OLAH: variants seen among roughly 807,000 people sequenced by gnomAD.
OLAH encodes oleoyl-ACP hydrolase, also known as S-acyl fatty acid synthase thioesterase, medium chain.
Under a neutral mutation model 27.8 loss-of-function variants are expected in OLAH, and 33 were observed. The observed-to-expected ratio is 1.19, with a 90% CI of 0.90 to 1.59. The LOEUF is 1.59. OLAH is among the 40% of genes most tolerant of loss of function. The pLI is 0.00. For missense variants in OLAH, 359 were observed against 310.8 expected (o/e 1.16, Z -1.17); for synonymous variants, 120 against 102.9 (o/e 1.17, Z -1.01).
Position 15,034,433 on chromosome 10 carries a change from G to A in OLAH, c.-164+2083G>A, listed in dbSNP as rs143787390. 2.5e-3 allele frequency among the ~76,000 whole-genome samples: 382 copies of A among 152,072 alleles called. 1 individual carries two copies. Among genetic ancestry groups the A allele is most frequent in the African/African-American group, 8.5e-3 (353 of 41,494 alleles). ...CAGGAGTAAGCCACTGCACCCAGCC[G>A]ACTCTACCCTTTTTGAACATTATTA... is the stretch of plus-strand genomic sequence containing the variant. On this transcript the variant is annotated intron_variant, in intron 1 of 3. Transcript: ENST00000413672.
intron 1 of OLAH, among the ~76,000 whole-genome samples, chr10:15,036,401 G>A (rs1462918370): frequency 6.6e-6 from 1 of 152,168 alleles, no homozygotes; most frequent in Non-Finnish European, 1.5e-5. Flanking sequence ...GGGAAGCTGA[G>A]GCAGGAGAAT....
At chr10:15,048,448 C>T (rs1171091910) in intron 2 of OLAH, among the ~76,000 whole-genome samples, 1 of 152,226 alleles carries the variant, frequency 6.6e-6, no homozygotes, top group Non-Finnish European at 1.5e-5. Context: ...GAACTCCTCA[C>T]CTCTAGTGAT....
chr10:15,040,847 T>C (rs766430323), upstream of OLAH, among the ~76,000 whole-genome samples: 2 of 152,216 alleles, frequency 1.3e-5, no homozygotes, highest in African/African-American at 2.4e-5. Flanking sequence ...CTTTCTACTC[T>C]AGGACTTTGC....
At chr10:15,043,076 G>A (rs1191026612), upstream of OLAH, among the ~76,000 whole-genome samples, 10 of 151,908 alleles carry the variant, frequency 6.6e-5, no homozygotes, top group Non-Finnish European at 1.0e-4. Context: ...TAGCCAGGGT[G>A]GTCTCAGTCT....
upstream of OLAH, among the ~76,000 whole-genome samples, chr10:15,041,986 T>C (rs2131332622): frequency 6.6e-6 from 1 of 151,878 alleles, no homozygotes; most frequent in Admixed American, 6.6e-5. Flanking sequence ...CAGCTTCTCT[T>C]TTTCTGCTTG....
At chr10:15,048,254 G>A (rs1844059711) in intron 2 of OLAH, among the ~76,000 whole-genome samples, 1 of 152,152 alleles carries the variant, frequency 6.6e-6, no homozygotes, top group African/African-American at 2.4e-5. Context: ...GTCTCACTCT[G>A]TCACCCAGGC....
chr10:15,065,574 A>G lies in OLAH; in HGVS notation c.403-10A>G, dbSNP rs1844450494. The G allele has an allele frequency of 6.2e-7, 1 of 1,604,070 alleles. No individual in the cohort carries two copies. The highest frequency in any genetic ancestry group is 1.3e-5 in the African/African-American group (1 of 74,286). The stretch of plus-strand genomic sequence containing the variant: ...AAATATCAGGCCTGTGTTGTTGTTC[A>G]TGTTTCAAGTCAAAGGCCTGGCATC... On this transcript the variant is annotated splice_polypyrimidine_tract_variant and intron_variant, in intron 5 of 7. Transcript: ENST00000378228.
At chr10:15,069,675 T>C (rs1364316634) in intron 6 of OLAH, among the ~76,000 whole-genome samples, 2 of 152,182 alleles carry the variant, frequency 1.3e-5, no homozygotes, top group Non-Finnish European at 1.5e-5. Context: ...GAGACCAGCC[T>C]GGCCAACATG....
At chr10:15,072,541 C>T (rs1309314345) in intron 7 of OLAH, among the ~76,000 whole-genome samples, 1 of 152,096 alleles carries the variant, frequency 6.6e-6, no homozygotes, top group African/African-American at 2.4e-5. Context: ...GAGAGGGGCT[C>T]CTGGCAGACT....
chr10:15,072,963 C>T (rs1844620632), intron 7 of OLAH, 124 bp from the exon 8 acceptor site: 5 of 860,452 alleles, frequency 5.8e-6, no homozygotes, highest in East Asian at 5.0e-5. Context: ...GCTTCATCAC[C>T]TAGAACATAA....
chr10:15,072,241 A>AT (rs879797884), intron 7 of OLAH, among the ~76,000 whole-genome samples: 523 of 151,314 alleles, frequency 3.5e-3, no homozygotes, highest in Non-Finnish European at 5.1e-3. Flanking sequence ...CAGCTTTTAA[A>AT]ATTTTTTTTT....
At chr10:15,041,862 C>T (rs1843925515), upstream of OLAH, among the ~76,000 whole-genome samples, 1 of 152,080 alleles carries the variant, frequency 6.6e-6, no homozygotes, top group Admixed American at 6.6e-5. Flanking sequence ...CAGGTGTGAG[C>T]TACCGCAACT....
chr10:15,057,412 T>G (rs1034591618), intron 3 of OLAH, among the ~76,000 whole-genome samples: 3 of 150,584 alleles, frequency 2.0e-5, no homozygotes, highest in Admixed American at 2.0e-4. Context: ...TTTTTTTTTT[T>G]TTTGAGATGG....
At chr10:15,040,483 T>C (rs1030692591), upstream of OLAH, among the ~76,000 whole-genome samples, 1 of 152,130 alleles carries the variant, frequency 6.6e-6, no homozygotes, top group African/African-American at 2.4e-5. Flanking sequence ...AATTGTCCAA[T>C]GATCTCTCCT....
chr10:15,072,763 G>A (rs1045053434), intron 7 of OLAH, among the ~76,000 whole-genome samples: 5 of 151,844 alleles, frequency 3.3e-5, no homozygotes, highest in Admixed American at 1.3e-4. Context: ...CTGGCCAGAG[G>A]GGGGTTATCT....
At chr10:15,050,810 G>A (rs539986257) in intron 3 of OLAH, among the ~76,000 whole-genome samples, 7 of 151,916 alleles carry the variant, frequency 4.6e-5, no homozygotes, top group Admixed American at 1.3e-4. Flanking sequence ...CAAAGTGCTC[G>A]GATTACAGGC....
At chr10:15,047,827 G>A (rs945484030) in intron 2 of OLAH, among the ~76,000 whole-genome samples, 9 of 152,088 alleles carry the variant, frequency 5.9e-5, no homozygotes, top group Admixed American at 3.3e-4. Context: ...AAAAGTTTTC[G>A]TTTGTGCCTA....
chr10:15,038,358 G>T (rs1444437548), intron 1 of OLAH, among the ~76,000 whole-genome samples: 1 of 152,140 alleles, frequency 6.6e-6, no homozygotes, highest in Non-Finnish European at 1.5e-5. Context: ...AGGCATGATT[G>T]GTTTTGAAAT....
chr10:15,064,034 C>T (rs1428927955), intron 4 of OLAH, among the ~76,000 whole-genome samples: 2 of 152,172 alleles, frequency 1.3e-5, no homozygotes, highest in Non-Finnish European at 2.9e-5. Context: ...TAGCTTTGAC[C>T]TCATGGACCA....
Sources: allele counts gnomAD v4.1 joint callset (sites outside exome capture counted in the v4.1 genomes callset), GRCh38; gene constraint gnomAD v4.1.1; transcripts MANE v1.5; gene names NCBI Gene and HGNC (gene_info 2026-07-23, HGNC 2026-07-21).